The following SGCZ variants were observed in gnomAD, a reference collection of about 807,000 sequenced individuals.
The protein encoded by SGCZ is sarcoglycan zeta.
Under a neutral mutation model 41.3 loss-of-function variants are expected in SGCZ, and 40 were observed. The ratio of observed to expected loss-of-function variants is 0.97; its 90% CI spans 0.75 to 1.26. The LOEUF (loss-of-function observed/expected upper bound fraction) is 1.26. Among genes scored for constraint, SGCZ ranks in the 50% most tolerant of loss-of-function variants. SGCZ has a pLI of 0.00. For synonymous variants in SGCZ, 206 were observed against 137.5 expected, an observed-to-expected ratio of 1.50 and a Z score of -3.49; for missense variants, 552 against 369.8, an observed-to-expected ratio of 1.49 and a Z score of -4.04.
chr8:15,213,742 C>T (rs1801310400), intron 1 of SGCZ, among the ~76,000 whole-genome samples: 2 of 151,732 alleles, frequency 1.3e-5, no homozygotes, highest in African/African-American at 4.8e-5. Context: ...ATTAACTTAT[C>T]CTTCTACTAG....
intron 1 of SGCZ, among the ~76,000 whole-genome samples, chr8:15,019,499 G>C (rs1803171837): frequency 1.3e-5 from 2 of 152,052 alleles, no homozygotes; most frequent in African/African-American, 4.8e-5. Context: ...CTGTGGGGTG[G>C]TTTGACTCAC....
chr8:14,859,768 G>T (rs972845170), intron 1 of SGCZ, among the ~76,000 whole-genome samples: 1 of 152,210 alleles, frequency 6.6e-6, no homozygotes, highest in Admixed American at 6.6e-5. Flanking sequence ...AAATATGAGT[G>T]CAAAATAATC....
chr8:15,049,966 T>G (rs1419262789), intron 1 of SGCZ, among the ~76,000 whole-genome samples: 1 of 152,172 alleles, frequency 6.6e-6, no homozygotes, highest in Non-Finnish European at 1.5e-5. Context: ...CCATTAAACC[T>G]CTTTTACTTT....
intron 1 of SGCZ, among the ~76,000 whole-genome samples, chr8:14,930,804 G>T (rs1192408722): frequency 2.0e-5 from 3 of 151,860 alleles, no homozygotes; most frequent in Admixed American, 1.3e-4. Context: ...ACAGGGAGGG[G>T]AACATCACAC....
chr8:14,299,298 T>G (rs1158361387), intron 3 of SGCZ, among the ~76,000 whole-genome samples: 1 of 151,950 alleles, frequency 6.6e-6, no homozygotes, highest in Admixed American at 6.6e-5. Context: ...GCACTGTCTA[T>G]AAAAGTTAAA....
intron 1 of SGCZ, among the ~76,000 whole-genome samples, chr8:14,958,750 C>A (rs140357793): frequency 1.1e-3 from 160 of 152,084 alleles, no homozygotes; most frequent in African/African-American, 3.8e-3. Context: ...AAATATTGAA[C>A]TCTATGATGT....
chr8:14,938,691 C>T (rs1800165330), intron 1 of SGCZ, among the ~76,000 whole-genome samples: 1 of 152,036 alleles, frequency 6.6e-6, no homozygotes. Context: ...GGAAATAATA[C>T]CTTTTGCAGC....
At chr8:14,706,897 T>G (rs952469085) in intron 1 of SGCZ, among the ~76,000 whole-genome samples, 2 of 151,972 alleles carry the variant, frequency 1.3e-5, no homozygotes, top group Admixed American at 1.3e-4. Flanking sequence ...TTATTATAAA[T>G]GTAAAATACA....
chr8:14,377,890 T>A (rs936987493), intron 2 of SGCZ, among the ~76,000 whole-genome samples: 4 of 151,546 alleles, frequency 2.6e-5, no homozygotes, highest in Non-Finnish European at 5.9e-5. Flanking sequence ...TAGTATTCCA[T>A]GGTGTATATG....
chr8:15,107,225 T>C (rs1002706758), intron 1 of SGCZ, among the ~76,000 whole-genome samples: 1 of 152,210 alleles, frequency 6.6e-6, no homozygotes, highest in Non-Finnish European at 1.5e-5. Context: ...TTTAGAACTC[T>C]TTTGTTCTCA....
chr8:14,746,706 G>A (rs1376228096), intron 1 of SGCZ, among the ~76,000 whole-genome samples: 1 of 152,140 alleles, frequency 6.6e-6, no homozygotes, highest in Non-Finnish European at 1.5e-5. Context: ...ATGATTATAT[G>A]GTGACTCCTA....
At chr8:15,068,353 C>T (rs1475373447) in intron 1 of SGCZ, among the ~76,000 whole-genome samples, 2 of 152,170 alleles carry the variant, frequency 1.3e-5, no homozygotes, top group Non-Finnish European at 2.9e-5. Flanking sequence ...CACACTGTAA[C>T]CCACTGGTAA....
intron 1 of SGCZ, among the ~76,000 whole-genome samples, chr8:14,612,554 G>A (rs1380085745): frequency 6.6e-6 from 1 of 152,056 alleles, no homozygotes; most frequent in African/African-American, 2.4e-5. Context: ...CACAAAGCTT[G>A]GATTAGTCAG....
intron 3 of SGCZ, among the ~76,000 whole-genome samples, chr8:14,241,122 T>G (rs182688416): frequency 1.2e-3 from 189 of 152,216 alleles, no homozygotes; most frequent in Non-Finnish European, 1.3e-3. Context: ...GGTCTCTGTA[T>G]GAGAAAATGA....
Position 14,322,853 on chromosome 8 carries a change from C to CTA in SGCZ, c.336+1248_336+1249dup, listed in dbSNP as rs1420034701. Among the ~76,000 whole-genome samples, 13 of 152,228 alleles carry CTA rather than the reference C, an allele frequency of 8.5e-5. No individual in the cohort carries two copies. In the South Asian group the frequency reaches 1.4e-3, roughly 17 times the overall value. On this transcript the variant is annotated intron_variant, in intron 3 of 7. Transcript: ENST00000382080. Reference sequence around the variant, plus strand: ...AGTAAATAACTGTCAAAGATGGTGACTATCAATGAAAGTAAGACACTAACA... The same window carrying CTA: ...AGTAAATAACTGTCAAAGATGGTGACTATATCAATGAAAGTAAGACACTAACA...
At chr8:15,065,692 G>T (rs117895561) in intron 1 of SGCZ, among the ~76,000 whole-genome samples, 2,427 of 151,998 alleles carry the variant, frequency 0.016, 30 homozygotes, top group Middle Eastern at 0.038. Flanking sequence ...ATCTGCCTCA[G>T]TCTCCCAAAG....
At chr8:14,996,272 A>T (rs4427170) in intron 1 of SGCZ, among the ~76,000 whole-genome samples, 85,163 of 152,090 alleles carry the variant, frequency 0.56, 26,788 homozygotes, top group African/African-American at 0.87. Flanking sequence ...AGCATTCTGA[A>T]CCGCATGAAA....
chr8:14,115,445 A>T (rs866233531), intron 5 of SGCZ, among the ~76,000 whole-genome samples: 16 of 151,910 alleles, frequency 1.1e-4, no homozygotes, highest in Admixed American at 6.6e-4. Flanking sequence ...TTACATTTTT[A>T]AAAATTTTAT....
chr8:14,522,690 TTTC>T (rs1489093335), intron 2 of SGCZ, among the ~76,000 whole-genome samples: 2 of 151,934 alleles, frequency 1.3e-5, no homozygotes, highest in South Asian at 2.1e-4. Flanking sequence ...TCATTTGTTT[TTTC>T]TTATTTTTTT....
Sources: gnomAD v4.1 joint callset for allele counts (sites outside exome capture counted in the v4.1 genomes callset) on GRCh38, gnomAD v4.1.1 for gene constraint, MANE v1.5 for transcripts, NCBI Gene and HGNC (gene_info 2026-07-23, HGNC 2026-07-21) for gene names.